The following PHF14 variants were observed in gnomAD, a reference collection of about 807,000 sequenced individuals.
PHF14 encodes PHD finger protein 14.
Under a neutral mutation model 117.9 loss-of-function variants are expected in PHF14, and 55 were observed. That is an observed-to-expected ratio of 0.47 (90% CI 0.38 to 0.58). The LOEUF is 0.58. Among genes scored for constraint, PHF14 ranks in the 20% least tolerant of loss-of-function variants. The probability of loss-of-function intolerance (pLI) is 0.00; values close to 1 mark genes in which losing one functional copy is unlikely to be tolerated. For missense variants in PHF14, 978 were observed against 1,122.2 expected (o/e 0.87, Z 1.84); for synonymous variants, 409 against 368.6 (o/e 1.11, Z -1.26).
At chr7:11,150,142 A>AT (rs1788665000) in intron 17 of PHF14, among the ~76,000 whole-genome samples, 1 of 152,146 alleles carries the variant, frequency 6.6e-6, no homozygotes, top group Non-Finnish European at 1.5e-5. Context: ...CCAGGGAGTG[A>AT]TTAATATTCA....
intron 4 of PHF14, among the ~76,000 whole-genome samples, chr7:10,994,275 T>A (rs1187219835): frequency 1.3e-5 from 2 of 151,538 alleles, no homozygotes; most frequent in African/African-American, 4.9e-5. Flanking sequence ...CCATCTCTAC[T>A]AAAAATACAA....
chr7:11,152,939 C>T (rs572094871), intron 17 of PHF14, among the ~76,000 whole-genome samples: 1 of 152,160 alleles, frequency 6.6e-6, no homozygotes, highest in Admixed American at 6.5e-5. Context: ...GGTGAGGAAA[C>T]TGAACTTGTG....
chr7:11,025,566 G>A (rs1358917310), intron 6 of PHF14, among the ~76,000 whole-genome samples: 1 of 152,110 alleles, frequency 6.6e-6, no homozygotes, highest in East Asian at 1.9e-4. Flanking sequence ...GGCCGAGGTG[G>A]GTGGATCACG....
At chr7:10,978,065 T>A (rs1402931431) in intron 2 of PHF14, among the ~76,000 whole-genome samples, 3 of 152,180 alleles carry the variant, frequency 2.0e-5, no homozygotes, top group African/African-American at 7.2e-5. Context: ...TAACTTTAGA[T>A]CTTGATCAAA....
chr7:11,008,987 G>T (rs1054301067), intron 4 of PHF14, among the ~76,000 whole-genome samples: 1 of 144,644 alleles, frequency 6.9e-6, no homozygotes. Flanking sequence ...AGTGAGCTGA[G>T]ATCATGCCAC....
rs559519878 is a variant in PHF14, at chr7:11,087,051, A to G, written c.2655-24299A>G. 2.8e-4 allele frequency among the ~76,000 whole-genome samples: 43 copies of G among 152,316 alleles called. 1 individual carries two copies. Among genetic ancestry groups the G allele is most frequent in the East Asian group, 1.7e-3 (9 of 5,190 alleles). On this transcript the variant is annotated intron_variant, in intron 16 of 17. Coordinates refer to ENST00000634607, the MANE Select transcript of PHF14 (RefSeq NM_001007157.2). ...ACATCTTAATCCAGTTTTGGGTAGC[A>G]TAAAATAAATAAGGGTATACTTTGT...
At chr7:10,995,922 C>T (rs1052259819) in intron 4 of PHF14, among the ~76,000 whole-genome samples, 23 of 152,184 alleles carry the variant, frequency 1.5e-4, no homozygotes, top group Admixed American at 2.6e-4. Context: ...CACACCTCCC[C>T]GCAAGCTGAG....
intron 16 of PHF14, chr7:11,063,293 G>A (rs1049486244): frequency 1.0e-6 from 1 of 984,280 alleles, no homozygotes; most frequent in South Asian, 4.7e-5. Flanking sequence ...GGGTAAAGTA[G>A]TAAGTAGTTC....
At chr7:11,059,166 C>T (rs1785120877) in intron 14 of PHF14, among the ~76,000 whole-genome samples, 1 of 151,942 alleles carries the variant, frequency 6.6e-6, no homozygotes, top group Non-Finnish European at 1.5e-5. Context: ...ATGCTAATTG[C>T]AATCTGGTAT....
intron 4 of PHF14, among the ~76,000 whole-genome samples, chr7:11,003,908 G>A (rs1204414176): frequency 6.6e-6 from 1 of 152,038 alleles, no homozygotes; most frequent in African/African-American, 2.4e-5. Flanking sequence ...ATTTTATTAT[G>A]TAGATATATG....
At chr7:10,986,525 G>T (rs1782232070) in intron 3 of PHF14, among the ~76,000 whole-genome samples, 1 of 152,158 alleles carries the variant, frequency 6.6e-6, no homozygotes, top group Non-Finnish European at 1.5e-5. Flanking sequence ...AGAGTTCACT[G>T]GACCACACCT....
At position 11,035,648 on chromosome 7, in the gene PHF14, A is replaced by C. The variant is rs370133904; in HGVS notation, c.1464A>C (p.Ala488=). 1 of 1,607,426 alleles carries C rather than the reference A, an allele frequency of 6.2e-7. No homozygotes were observed. Among genetic ancestry groups the C allele is most frequent in the Non-Finnish European group, 8.5e-7 (1 of 1,175,488 alleles). ...GTGCTTTCTTTGTATAGGATATAGCAGATCCATTCTTTGCTTATTGTAAGC... is the reference window on the plus strand; with the variant it reads ...GTGCTTTCTTTGTATAGGATATAGCCGATCCATTCTTTGCTTATTGTAAGC... The part of the protein sequence containing the change: ...LSEAAAEEDI[A]DPFFAYCKQH... Residue 488 remains alanine (A), a synonymous_variant, in exon 8 of 18, where the codon GCA becomes GCC. Transcript: ENST00000634607.
At chr7:11,141,167 TTAAG>T (rs1297061172) in intron 17 of PHF14, among the ~76,000 whole-genome samples, 1 of 152,106 alleles carries the variant, frequency 6.6e-6, no homozygotes, top group African/African-American at 2.4e-5. Context: ...CAGTTACACC[TTAAG>T]TTTTACTTGT....
chr7:11,167,972 G>A (rs368201905), intron 17 of PHF14, among the ~76,000 whole-genome samples: 2 of 149,420 alleles, frequency 1.3e-5, no homozygotes, highest in African/African-American at 5.0e-5. Context: ...CTTGCAGTGA[G>A]CAGAGATCGC....
rs1414538071 is a variant in PHF14 at position 11,117,598 on chromosome 7, T to TGTATAAATACAAATATGTATTTATAC, written c.2772+6153_2772+6154insATACGTATAAATACAAATATGTATTT. On this transcript the variant is annotated intron_variant, in intron 17 of 17. Transcript: ENST00000634607. ...CGATATATATAAATATGTATTTATA[T>TGTATAAATACAAATATGTATTTATAC]GTATAAATACAAATATGTATTTGTA... is the stretch of plus-strand genomic sequence containing the variant. Among the ~76,000 whole-genome samples the TGTATAAATACAAATATGTATTTATAC allele has an allele frequency of 1.1e-3, 168 of 151,348 alleles. 1 individual carries two copies. The highest frequency in any genetic ancestry group is 1.9e-3 in the Non-Finnish European group (128 of 67,690).
At chr7:10,995,074 A>C (rs999092781) in intron 4 of PHF14, among the ~76,000 whole-genome samples, 1 of 152,178 alleles carries the variant, frequency 6.6e-6, no homozygotes, top group Admixed American at 6.5e-5. Flanking sequence ...AAGTTCTCCA[A>C]GTCCGCACAG....
intron 17 of PHF14, among the ~76,000 whole-genome samples, chr7:11,136,578 A>T (rs1176777337): frequency 6.6e-6 from 1 of 152,144 alleles, no homozygotes; most frequent in East Asian, 1.9e-4. Flanking sequence ...GTGGAGGTTG[A>T]GCATGTCTTT....
At chr7:11,165,451 T>TA (rs1789174118) in intron 17 of PHF14, among the ~76,000 whole-genome samples, 1 of 152,150 alleles carries the variant, frequency 6.6e-6, no homozygotes, top group Admixed American at 6.5e-5. Context: ...TAAAGGTACT[T>TA]ACATCAACAT....
At chr7:10,977,290 T>G (rs955884355) in intron 2 of PHF14, among the ~76,000 whole-genome samples, 1 of 152,126 alleles carries the variant, frequency 6.6e-6, no homozygotes, top group Admixed American at 6.5e-5. Context: ...AAACAACTTC[T>G]AGAAATGACT....
Sources: allele counts gnomAD v4.1 joint callset (sites outside exome capture counted in the v4.1 genomes callset), GRCh38; gene constraint gnomAD v4.1.1; transcripts MANE v1.5; gene names NCBI Gene and HGNC (gene_info 2026-07-23, HGNC 2026-07-21).